The following SGK3 variants were observed in gnomAD, a reference collection of about 807,000 sequenced individuals.
The protein encoded by SGK3 is serine/threonine-protein kinase Sgk3.
Under a neutral mutation model 68.5 loss-of-function variants are expected in SGK3, and 47 were observed. The ratio of observed to expected loss-of-function variants is 0.69; its 90% confidence interval spans 0.54 to 0.87. The LOEUF (loss-of-function observed/expected upper bound fraction) is 0.87. SGK3 is among the 40% of genes least tolerant of loss of function. The pLI is 0.00. For missense variants in SGK3, 479 were observed against 575.5 expected (o/e 0.83, Z 1.72); for synonymous variants, 181 against 189.1 (o/e 0.96, Z 0.35).
chr8:66,828,244 T>G (rs1393110443), intron 6 of SGK3, among the ~76,000 whole-genome samples: 1 of 152,232 alleles, frequency 6.6e-6, no homozygotes, highest in Non-Finnish European at 1.5e-5. Flanking sequence ...ATTGTCATCA[T>G]CCTATCATTT....
chr8:66,856,455 G>T (rs1810510322), intron 16 of SGK3, among the ~76,000 whole-genome samples: 1 of 152,046 alleles, frequency 6.6e-6, no homozygotes, highest in South Asian at 2.1e-4. Flanking sequence ...ATTTGGGATT[G>T]TTTTTTGGAT....
chr8:66,732,560 G>A (rs1805192102), intron 1 of SGK3, among the ~76,000 whole-genome samples: 1 of 151,898 alleles, frequency 6.6e-6, no homozygotes, highest in Non-Finnish European at 1.5e-5. Flanking sequence ...AAAATAAATT[G>A]TTGTCTGGGC....
intron 1 of SGK3, among the ~76,000 whole-genome samples, chr8:66,735,432 C>T (rs937680779): frequency 3.3e-4 from 50 of 152,244 alleles, no homozygotes; most frequent in Non-Finnish European, 1.3e-4. Flanking sequence ...ATATATTTAG[C>T]GGAAGTCTCT....
chr8:66,814,000 A>G, intron 5 of SGK3, 72 bp downstream of exon 5: 1 of 1,316,102 alleles, frequency 7.6e-7, no homozygotes, highest in Non-Finnish European at 1.0e-6. Context: ...TCCTTATATA[A>G]ATTTTGTTTG....
intron 16 of SGK3, among the ~76,000 whole-genome samples, chr8:66,856,994 G>A (rs1317715261): frequency 2.6e-5 from 4 of 152,044 alleles, no homozygotes; most frequent in Non-Finnish European, 5.9e-5. Context: ...TCAGAAGTCT[G>A]AGGCACAAGA....
chr8:66,844,551 A>G (rs1809930394), intron 14 of SGK3, among the ~76,000 whole-genome samples: 1 of 152,218 alleles, frequency 6.6e-6, no homozygotes, highest in Non-Finnish European at 1.5e-5. Context: ...TTATAAGAGT[A>G]CATGTATGTT....
At chr8:66,753,980 G>C (rs1459946689) in intron 1 of SGK3, among the ~76,000 whole-genome samples, 1 of 152,108 alleles carries the variant, frequency 6.6e-6, no homozygotes, top group African/African-American at 2.4e-5. Context: ...GACTTTAAAT[G>C]CCCTTATGAC....
intron 1 of SGK3, among the ~76,000 whole-genome samples, chr8:66,749,932 GGTGTGTGTGTGT>G (rs139702561): frequency 0.012 from 1,769 of 144,922 alleles, 18 homozygotes; most frequent in Middle Eastern, 0.031. Context: ...TAGTTTCTAG[GGTGTGTGTGTGT>G]GTGTGTGTGT....
intron 1 of SGK3, among the ~76,000 whole-genome samples, chr8:66,739,909 C>T (rs1239368037): frequency 6.6e-6 from 1 of 152,188 alleles, no homozygotes; most frequent in Admixed American, 6.6e-5. Flanking sequence ...TACTTACTAT[C>T]ATGAGAACAG....
intron 1 of SGK3, among the ~76,000 whole-genome samples, chr8:66,724,912 C>T (rs1407015348): frequency 1.3e-5 from 2 of 151,998 alleles, no homozygotes; most frequent in African/African-American, 2.4e-5. Context: ...GCCAATATGA[C>T]GAAACCCCGT....
intron 1 of SGK3, among the ~76,000 whole-genome samples, chr8:66,761,432 T>A (rs1806161113): frequency 6.6e-6 from 1 of 152,190 alleles, no homozygotes; most frequent in Non-Finnish European, 1.5e-5. Context: ...GTACCATCAG[T>A]GCAAATGTCA....
chr8:66,833,806 C>T lies in SGK3; in HGVS notation c.526-1957C>T, dbSNP rs571677008. On this transcript the variant is annotated intron_variant, in intron 8 of 16. Transcript: ENST00000521198. ...TCCTGGGTTCAAGCGATTCTACTGC[C>T]TCAGCCTCCCCAGTAGTTGGGATTA... Among the ~76,000 whole-genome samples, 182 of 152,368 alleles carry T rather than the reference C, an allele frequency of 1.2e-3. 1 individual carries two copies. Among genetic ancestry groups the T allele is most frequent in the Non-Finnish European group, 1.9e-3 (126 of 68,038 alleles).
intron 6 of SGK3, among the ~76,000 whole-genome samples, chr8:66,828,234 A>G (rs1009566582): frequency 6.6e-6 from 1 of 152,314 alleles, no homozygotes. Context: ...TGCAATCATC[A>G]TTGTCATCAT....
intron 1 of SGK3, among the ~76,000 whole-genome samples, chr8:66,749,203 T>G (rs1400125960): frequency 5.3e-5 from 8 of 152,216 alleles, no homozygotes. Flanking sequence ...AAAATTGGAC[T>G]TGTTTCATCT....
chr8:66,833,279 T>C (rs569355640), intron 8 of SGK3, among the ~76,000 whole-genome samples: 1 of 152,320 alleles, frequency 6.6e-6, no homozygotes, highest in Admixed American at 6.5e-5. Flanking sequence ...GTGCTGGGAT[T>C]ACAGGCATGA....
intron 1 of SGK3, among the ~76,000 whole-genome samples, chr8:66,746,472 G>A (rs1805658326): frequency 6.6e-6 from 1 of 152,172 alleles, no homozygotes; most frequent in South Asian, 2.1e-4. Flanking sequence ...GTTACTCAGG[G>A]AGGGGAGGTG....
At chr8:66,831,378 A>T in intron 8 of SGK3, 67 bp downstream of exon 8, 3 of 1,577,454 alleles carry the variant, frequency 1.9e-6, no homozygotes, top group South Asian at 2.3e-5. Flanking sequence ...ACAGGGTCTC[A>T]CTCTGTTGTC....
intron 4 of SGK3, among the ~76,000 whole-genome samples, chr8:66,806,691 T>G (rs1699122661): frequency 6.6e-6 from 1 of 151,570 alleles, no homozygotes; most frequent in South Asian, 2.1e-4. Context: ...TGCATGCCTG[T>G]AGTCCCAGCT....
Position 66,778,421 on chromosome 8 carries a change from G to T in SGK3, c.-121-15195G>T, listed in dbSNP as rs6982137. Reference sequence around the variant, plus strand: ...ACGCCATTCTCCTGCCTCAGAATCCGGAGTAGCTGGGACTACAGGCGCCCG... The same window carrying T: ...ACGCCATTCTCCTGCCTCAGAATCCTGAGTAGCTGGGACTACAGGCGCCCG... On this transcript the variant is annotated intron_variant, in intron 1 of 16. Transcript: ENST00000521198. Among the ~76,000 whole-genome samples, 819 of 152,088 alleles carry T rather than the reference G, an allele frequency of 5.4e-3. 11 individuals carry two copies. Among genetic ancestry groups the T allele is most frequent in the African/African-American group, 0.018 (736 of 41,472 alleles).
Sources: gnomAD v4.1 joint callset for allele counts (sites outside exome capture counted in the v4.1 genomes callset) on GRCh38, gnomAD v4.1.1 for gene constraint, MANE v1.5 for transcripts, NCBI Gene and HGNC (gene_info 2026-07-23, HGNC 2026-07-21) for gene names.